Variants in KCND3 observed in about 807,000 individuals in gnomAD.
KCND3 encodes A-type voltage-gated potassium channel KCND3.
In KCND3, 9 loss-of-function variants were observed where a neutral mutation model predicts 51.1. That is an observed-to-expected ratio of 0.18 (90% CI 0.11 to 0.31). The LOEUF is 0.31. Ranked by LOEUF, KCND3 falls within the 10% of genes least tolerant of loss-of-function variation. KCND3 has a pLI of 1.00. For synonymous variants in KCND3, 349 were observed against 368.0 expected (o/e 0.95, Z 0.59); for missense variants, 526 against 903.8 (o/e 0.58, Z 5.36).
chr1:111,816,966 T>C (rs2101587669), intron 2 of KCND3, among the ~76,000 whole-genome samples: 1 of 152,318 alleles, frequency 6.6e-6, no homozygotes, highest in Middle Eastern at 3.4e-3. Context: ...CCTACACACC[T>C]GGATGTGCAC....
At chr1:111,831,062 C>T (rs1666811246) in intron 2 of KCND3, among the ~76,000 whole-genome samples, 1 of 152,232 alleles carries the variant, frequency 6.6e-6, no homozygotes, top group South Asian at 2.1e-4. Flanking sequence ...TCAGGCAGCA[C>T]CCTCCTGGCC....
At chr1:111,840,512 G>T (rs527916622) in intron 2 of KCND3, among the ~76,000 whole-genome samples, 2 of 151,690 alleles carry the variant, frequency 1.3e-5, no homozygotes, top group Admixed American at 1.3e-4. Flanking sequence ...TTTAATGGGG[G>T]AAGTGTTTAG....
chr1:111,969,292 C>T (rs1347577507), intron 2 of KCND3, among the ~76,000 whole-genome samples: 1 of 152,170 alleles, frequency 6.6e-6, no homozygotes, highest in African/African-American at 2.4e-5. Flanking sequence ...GCCAACAGAG[C>T]CCAAGAGTCT....
intron 2 of KCND3, among the ~76,000 whole-genome samples, chr1:111,909,174 C>A (rs1002902922): frequency 6.6e-6 from 1 of 152,106 alleles, no homozygotes; most frequent in African/African-American, 2.4e-5. Context: ...TCCTGCCCCA[C>A]AATAGGTGTG....
At chr1:111,907,791 G>A (rs1670716309) in intron 2 of KCND3, among the ~76,000 whole-genome samples, 1 of 152,216 alleles carries the variant, frequency 6.6e-6, no homozygotes, top group South Asian at 2.1e-4. Context: ...GACTGGAAAG[G>A]AAAGCTGTCT....
chr1:111,873,997 G>A (rs928818018), intron 2 of KCND3, among the ~76,000 whole-genome samples: 13 of 152,210 alleles, frequency 8.5e-5, no homozygotes, highest in Non-Finnish European at 1.3e-4. Context: ...CACACTGGGC[G>A]AGTCATCTGT....
intron 2 of KCND3, among the ~76,000 whole-genome samples, chr1:111,793,440 G>T (rs1664927024): frequency 6.7e-6 from 1 of 150,038 alleles, no homozygotes; most frequent in African/African-American, 2.4e-5. Context: ...GCCTCCCAAA[G>T]TGCTGGGATT....
At chr1:111,805,599 C>T (rs886157636) in intron 2 of KCND3, among the ~76,000 whole-genome samples, 1 of 152,232 alleles carries the variant, frequency 6.6e-6, no homozygotes, top group Non-Finnish European at 1.5e-5. Flanking sequence ...GTAAGTCAAC[C>T]TCTTTTAAAG....
chr1:111,861,126 G>C (rs1668320063), intron 2 of KCND3, among the ~76,000 whole-genome samples: 1 of 152,136 alleles, frequency 6.6e-6, no homozygotes, highest in Non-Finnish European at 1.5e-5. Context: ...GACTAGTTGA[G>C]GTTGCCTTTT....
intron 2 of KCND3, among the ~76,000 whole-genome samples, chr1:111,823,036 C>T (rs559107672): frequency 3.8e-4 from 58 of 152,320 alleles, no homozygotes; most frequent in African/African-American, 1.2e-3. Context: ...CCCAGACAGA[C>T]GGCGGGGGAC....
At position 111,895,431 on chromosome 1, in the gene KCND3, T is replaced by C. The variant is rs778926982; in HGVS notation, c.1106+86190A>G. 6.0e-3 allele frequency among the ~76,000 whole-genome samples: 910 copies of C among 152,312 alleles called. 7 individuals are homozygous for C. Among genetic ancestry groups the C allele is most frequent in the Non-Finnish European group, 0.011 (722 of 68,032 alleles). On this transcript the variant is annotated intron_variant, in intron 2 of 7. Coordinates refer to ENST00000302127, the MANE Select transcript of KCND3 (RefSeq NM_001378969.1). ...GGTAATAAAAATTAAATTAAAGAAA[T>C]TTTTTAAAGTTGGAAGAACAAATTA...
At chr1:111,859,943 G>A (rs1668258847) in intron 2 of KCND3, among the ~76,000 whole-genome samples, 1 of 152,184 alleles carries the variant, frequency 6.6e-6, no homozygotes. Flanking sequence ...GTGTGAGAGA[G>A]CCTTTCCCTG....
At chr1:111,966,272 T>C (rs998160141) in intron 2 of KCND3, among the ~76,000 whole-genome samples, 1 of 152,198 alleles carries the variant, frequency 6.6e-6, no homozygotes, top group Non-Finnish European at 1.5e-5. Context: ...CAGCAATATA[T>C]AGATTCCCTT....
chr1:111,905,079 C>T (rs1421938516), intron 2 of KCND3, among the ~76,000 whole-genome samples: 1 of 152,216 alleles, frequency 6.6e-6, no homozygotes, highest in East Asian at 1.9e-4. Context: ...GAATCAGTCC[C>T]GGCTCATCAG....
intron 2 of KCND3, among the ~76,000 whole-genome samples, chr1:111,819,803 G>A (rs1392187430): frequency 6.6e-6 from 1 of 152,128 alleles, no homozygotes; most frequent in Non-Finnish European, 1.5e-5. Context: ...ACAATGAGGC[G>A]ACTGTAATCA....
At chr1:111,958,768 CCA>C (rs1673473281) in intron 2 of KCND3, among the ~76,000 whole-genome samples, 1 of 152,160 alleles carries the variant, frequency 6.6e-6, no homozygotes, top group Non-Finnish European at 1.5e-5. Context: ...GATCTCCACC[CCA>C]CAGTGTCCAG....
At chr1:111,901,968 A>G (rs1386743279) in intron 2 of KCND3, among the ~76,000 whole-genome samples, 1 of 152,148 alleles carries the variant, frequency 6.6e-6, no homozygotes, top group Non-Finnish European at 1.5e-5. Context: ...AGGACCCCAA[A>G]CTACTCCATT....
chr1:111,775,945 C>T lies in KCND3; in HGVS notation c.*132G>A, dbSNP rs1472547080. 1.9e-6 allele frequency: 2 copies of T among 1,028,528 alleles called. No homozygotes were observed. Among genetic ancestry groups the T allele is most frequent in the East Asian group, 5.1e-5 (2 of 39,272 alleles). The allele number at this position is 1,028,528 out of a possible 1,614,324, so 63.7% of individuals were successfully genotyped here. A position where few individuals can be genotyped will look rare whatever the true frequency, so the allele number is the denominator to read the frequency against. On this transcript the variant is annotated 3_prime_UTR_variant, in exon 8 of 8. Coordinates refer to ENST00000302127, the MANE Select transcript of KCND3 (RefSeq NM_001378969.1). ...TCTTTTTCCTTCCAGGCACAAGTCT[C>T]AGTGCTAGGGGTACAATGGGGCAGG...
chr1:111,784,542 C>T (rs901543865), intron 3 of KCND3, among the ~76,000 whole-genome samples: 1 of 152,188 alleles, frequency 6.6e-6, no homozygotes, highest in Non-Finnish European at 1.5e-5. Flanking sequence ...AAGAGGATGA[C>T]GATATAGCTA....
Sources: allele counts gnomAD v4.1 joint callset (sites outside exome capture counted in the v4.1 genomes callset), GRCh38; gene constraint gnomAD v4.1.1; transcripts MANE v1.5; gene names NCBI Gene and HGNC (gene_info 2026-07-23, HGNC 2026-07-21).